The following PIAS4 variants were observed in gnomAD, a reference collection of about 807,000 sequenced individuals.
PIAS4 encodes E3 SUMO-protein ligase PIAS4.
In PIAS4, 7 loss-of-function variants were observed where a neutral mutation model predicts 58.0. The observed-to-expected ratio is 0.12, with a 90% CI of 0.07 to 0.23. The LOEUF (loss-of-function observed/expected upper bound fraction) is 0.23. Ranked by LOEUF, PIAS4 falls within the 10% of genes least tolerant of loss-of-function variation. The probability of loss-of-function intolerance (pLI) is 1.00; values close to 1 mark genes in which losing one functional copy is unlikely to be tolerated. For synonymous variants in PIAS4, 364 were observed against 312.4 expected (o/e 1.17, Z -1.74); for missense variants, 550 against 709.5 (o/e 0.78, Z 2.55).
chr19:4,008,820 C>T (rs1490758824), intron 1 of PIAS4, among the ~76,000 whole-genome samples: 2 of 151,886 alleles, frequency 1.3e-5, no homozygotes, highest in Non-Finnish European at 2.9e-5. Flanking sequence ...TGCACCCCAA[C>T]TTTGGTTTCT....
chr19:4,019,999 CT>C (rs1195182278), intron 2 of PIAS4, among the ~76,000 whole-genome samples: 2 of 151,942 alleles, frequency 1.3e-5, no homozygotes, highest in Non-Finnish European at 2.9e-5. Flanking sequence ...TCACTGCAAG[CT>C]CCGCCTCCCA....
intron 3 of PIAS4, among the ~76,000 whole-genome samples, chr19:4,027,442 G>T (rs1274282458): frequency 6.6e-6 from 1 of 152,216 alleles, no homozygotes; most frequent in African/African-American, 2.4e-5. Context: ...GATGCTGCTA[G>T]TTTGTGGCTG....
chr19:4,025,688 C>CTTTCTCAGCCTT (rs1555688802), intron 3 of PIAS4, among the ~76,000 whole-genome samples: 2 of 151,770 alleles, frequency 1.3e-5, no homozygotes, highest in Admixed American at 1.3e-4. Flanking sequence ...TTCTCAGCCT[C>CTTTCTCAGCCTT]GTCTTCCTTG....
chr19:4,025,056 G>T (rs113272526), intron 3 of PIAS4, among the ~76,000 whole-genome samples: 2,948 of 152,270 alleles, frequency 0.019, 78 homozygotes, highest in African/African-American at 0.064. Context: ...GAGCCACTGC[G>T]CCTGGCGGAA....
At position 4,028,612 on chromosome 19, in the gene PIAS4, C is replaced by T. The variant is rs1306546195; in HGVS notation, c.672+12C>T. 6 of 1,611,748 alleles carry T rather than the reference C, an allele frequency of 3.7e-6. No individual in the cohort carries two copies. Among genetic ancestry groups the T allele is most frequent in the Non-Finnish European group, 5.1e-6 (6 of 1,179,252 alleles). On this transcript the variant is annotated intron_variant, in intron 5 of 10. Transcript: ENST00000262971. Reference sequence around the variant, plus strand: ...ACTGCTCCGTCCCGGTGAGCATGCCCCGCCCCCGCGTCGGCTGCACGGGTT... The same window carrying T: ...ACTGCTCCGTCCCGGTGAGCATGCCTCGCCCCCGCGTCGGCTGCACGGGTT...
At chr19:4,016,031 C>T (rs62131486) in intron 2 of PIAS4, among the ~76,000 whole-genome samples, 21,891 of 152,280 alleles carry the variant, frequency 0.14, 1,934 homozygotes, top group Middle Eastern at 0.21. Context: ...CAAGGTCGCA[C>T]AGCGGCCTGC....
rs769961613 is a variant in PIAS4, at chr19:4,039,371, G to C, written c.*1496G>C. On this transcript the variant is annotated 3_prime_UTR_variant, in exon 11 of 11. Coordinates refer to ENST00000262971, the MANE Select transcript of PIAS4 (RefSeq NM_015897.4). ...GTTTTTAAAAAATGCAAATAAAAAAGGTCGAGGTGAAGCCATCCAGGCGTC... is the reference window on the plus strand; with the variant it reads ...GTTTTTAAAAAATGCAAATAAAAAACGTCGAGGTGAAGCCATCCAGGCGTC... The C allele has an allele frequency of 2.0e-5, 3 of 152,212 alleles. No homozygotes were observed. Among genetic ancestry groups the C allele is most frequent in the South Asian group, 2.1e-4 (1 of 4,832 alleles). 9.4% of individuals were successfully genotyped at this position (152,212 alleles called of 1,614,324 possible). A position where few individuals can be genotyped will look rare whatever the true frequency, so the allele number is the denominator to read the frequency against.
At chr19:4,025,064 G>C (rs1262223861) in intron 3 of PIAS4, among the ~76,000 whole-genome samples, 1 of 152,228 alleles carries the variant, frequency 6.6e-6, no homozygotes, top group African/African-American at 2.4e-5. Context: ...GCGCCTGGCG[G>C]AAGTCAGGTT....
In PIAS4 at chr19:4,037,212, G is replaced by A. The variant is rs2040307517; in HGVS notation, c.1143-162G>A. ...CACCTGCAGGGGCCTGAGGGCGGGG[G>A]AGGGAATGCGGGGTCCCTGGACCCC... On this transcript the variant is annotated intron_variant, in intron 9 of 10. Coordinates refer to ENST00000262971, the MANE Select transcript of PIAS4 (RefSeq NM_015897.4). This position sits in a 1 kb window ranked among gnomAD's most constrained non-coding sequence, Gnocchi z 5.8. Among the ~76,000 whole-genome samples the A allele has an allele frequency of 6.6e-6, 1 of 152,176 alleles. No individual in the cohort carries two copies. Among genetic ancestry groups the A allele is most frequent in the Admixed American group, 6.5e-5 (1 of 15,284 alleles).
chr19:4,012,790 C>T (rs1045190067), intron 1 of PIAS4, 133 bp from the exon 2 acceptor site: 43 of 994,584 alleles, frequency 4.3e-5, no homozygotes, highest in Non-Finnish European at 5.7e-5. Context: ...GGCACTCCAC[C>T]AGCCCCAGCC....
intron 8 of PIAS4, 55 bp from the exon 9 acceptor site, chr19:4,033,365 G>T (rs968504884): frequency 1.3e-6 from 2 of 1,499,190 alleles, no homozygotes; most frequent in East Asian, 4.9e-5. Context: ...GAGGGGCACC[G>T]GGCAGGCGGG....
intron 2 of PIAS4, among the ~76,000 whole-genome samples, chr19:4,021,865 C>T (rs2040113657): frequency 1.3e-5 from 2 of 151,250 alleles, no homozygotes; most frequent in Non-Finnish European, 1.5e-5. Context: ...CCTGCCTCAG[C>T]CTCCAAAGTA....
chr19:4,023,457 C>T (rs1013617462), intron 2 of PIAS4, among the ~76,000 whole-genome samples: 33 of 151,684 alleles, frequency 2.2e-4, no homozygotes, highest in African/African-American at 8.1e-4. Flanking sequence ...AAAACTCCAT[C>T]TCCAAAACAA....
In PIAS4 at chr19:4,013,170, G is replaced by T; in HGVS notation, c.275G>T (p.Arg92Leu). 2 of 1,613,406 alleles carry T rather than the reference G, an allele frequency of 1.2e-6. No homozygotes were observed. Among genetic ancestry groups the T allele is most frequent in the African/African-American group, 1.3e-5 (1 of 75,024 alleles). Reference protein sequence around the residue: ...DPLTMHSTYDRAGAVPRTPLA... With the variant: ...DPLTMHSTYDLAGAVPRTPLA... ...CTGACCATGCACTCCACCTACGACCGGGCCGGCGCTGTGCCCAGGACTCCG... is the reference window on the plus strand; with the variant it reads ...CTGACCATGCACTCCACCTACGACCTGGCCGGCGCTGTGCCCAGGACTCCG... Residue 92 changes from arginine (R) to leucine (L), a missense_variant, in exon 2 of 11, where the codon CGG becomes CTG. Physicochemically the swap from Arg to Leu is moderately radical, Grantham distance 102 (BLOSUM62 -2). Around this residue, in one of 4 missense-constraint regions of PIAS4, gnomAD observed 95 missense variants for 87.5 expected, o/e 1.09. Coordinates refer to ENST00000262971, the MANE Select transcript of PIAS4 (RefSeq NM_015897.4). This position sits in a 1 kb window ranked among gnomAD's most constrained non-coding sequence, Gnocchi z 5.1.
intron 1 of PIAS4, among the ~76,000 whole-genome samples, chr19:4,012,489 C>T (rs1023565502): frequency 6.6e-6 from 1 of 152,088 alleles, no homozygotes. Flanking sequence ...ATGGGTTGAG[C>T]GCCCGCCCAG....
chr19:4,013,063 G>A lies in PIAS4; in HGVS notation c.168G>A (p.Lys56=). 2 of 1,613,540 alleles carry A rather than the reference G, an allele frequency of 1.2e-6. No individual in the cohort carries two copies. The highest frequency in any genetic ancestry group is 4.5e-5 in the East Asian group (2 of 44,878). The change falls in exon 2 of 11, where the codon AAG becomes AAA. Residue 56 remains lysine, a synonymous_variant. Coordinates refer to ENST00000262971, the MANE Select transcript of PIAS4 (RefSeq NM_015897.4). This position sits in a 1 kb window ranked among gnomAD's most constrained non-coding sequence, Gnocchi z 5.1. ...TTGACTGTAGCCCTGAGCTGTTCAAGAAGATCAAGGAGCTGTACGAGACCC... is the reference window on the plus strand; with the variant it reads ...TTGACTGTAGCCCTGAGCTGTTCAAAAAGATCAAGGAGCTGTACGAGACCC... ...VQFDCSPELF[K]KIKELYETRY...
intron 3 of PIAS4, among the ~76,000 whole-genome samples, chr19:4,025,195 T>G (rs2040150305): frequency 6.6e-6 from 1 of 152,228 alleles, no homozygotes; most frequent in Non-Finnish European, 1.5e-5. Context: ...ATCCCTGGCC[T>G]CCACCTGCTC....
chr19:4,028,478 T>G (rs896885387), intron 4 of PIAS4, 32 bp from the exon 5 acceptor site: 6 of 1,538,146 alleles, frequency 3.9e-6, no homozygotes, highest in Middle Eastern at 3.4e-4. Flanking sequence ...GTGCGCCCCC[T>G]CCCCGCCCCA....
intron 3 of PIAS4, among the ~76,000 whole-genome samples, chr19:4,024,581 C>T (rs1194348962): frequency 6.6e-6 from 1 of 152,234 alleles, no homozygotes; most frequent in Non-Finnish European, 1.5e-5. Context: ...GACTCTGTGT[C>T]CCATGATCCT....
Sources: gnomAD v4.1 joint callset for allele counts (sites outside exome capture counted in the v4.1 genomes callset) on GRCh38, gnomAD v4.1.1 for gene constraint, gnomAD v4.1.1 regional missense constraint, Gnocchi (gnomAD v3.1) non-coding constraint, MANE v1.5 for transcripts, NCBI Gene and HGNC (gene_info 2026-07-23, HGNC 2026-07-21) for gene names.